The following P2RX4 variants were observed in gnomAD, a reference collection of about 807,000 sequenced individuals.
P2RX4 encodes P2X purinoceptor 4.
Under a neutral mutation model 48.0 loss-of-function variants are expected in P2RX4, and 37 were observed. The ratio of observed to expected loss-of-function variants is 0.77; its 90% CI spans 0.59 to 1.01. The LOEUF is 1.01. Ranked by LOEUF, P2RX4 falls within the 50% of genes least tolerant of loss-of-function variation. The pLI, the probability that P2RX4 is intolerant of heterozygous loss-of-function variation, is 0.00. For synonymous variants in P2RX4, 200 were observed against 199.7 expected (o/e 1.00, Z -0.01); for missense variants, 501 against 521.4 (o/e 0.96, Z 0.38).
At chr12:121,233,418 C>T in intron 11 of P2RX4, 105 bp from the exon 12 acceptor site, 1 of 1,271,414 alleles carries the variant, frequency 7.9e-7, no homozygotes, top group Non-Finnish European at 1.1e-6. Context: ...AGGCCTGGGA[C>T]CAACTTGAGA....
Position 121,210,156 on chromosome 12 carries a change from G to T in P2RX4, c.-9G>T, listed in dbSNP as rs1273489854. ...ACCGACTAGGGGACTGGGAGCGGGC[G>T]GCGCGGCCATGGCGGGCTGCTGCGC... On this transcript the variant is annotated 5_prime_UTR_variant, in exon 1 of 12. Coordinates refer to ENST00000337233, the MANE Select transcript of P2RX4 (RefSeq NM_002560.3). 1.3e-6 allele frequency: 2 copies of T among 1,521,714 alleles called. No individual in the cohort carries two copies. The highest frequency in any genetic ancestry group is 2.9e-5 in the African/African-American group (2 of 69,572). The allele number at this position is 1,521,714 out of a possible 1,614,324, so 94.3% of individuals were successfully genotyped here.
In P2RX4 at chr12:121,229,244, C is replaced by A; in HGVS notation, c.884+145C>A. ...TCCCCCGTCCAAGGCGGCGGGAAGGCCATGCTGGGAAAATGCCCTTAGTGG... is the reference window on the plus strand; with the variant it reads ...TCCCCCGTCCAAGGCGGCGGGAAGGACATGCTGGGAAAATGCCCTTAGTGG... On this transcript the variant is annotated intron_variant, in intron 8 of 11. Transcript: ENST00000337233. This position sits in a 1 kb window ranked among gnomAD's most constrained non-coding sequence, Gnocchi z 4.6. 9.9e-7 allele frequency: 1 copy of A among 1,010,048 alleles called. No individual in the cohort carries two copies. Among genetic ancestry groups the A allele is most frequent in the Non-Finnish European group, 1.5e-6 (1 of 669,952 alleles). The allele number at this position is 1,010,048 out of a possible 1,614,324, so 62.6% of individuals were successfully genotyped here.
rs759719541 is a variant in P2RX4 at position 121,232,597 on chromosome 12, C to T, written c.979-14C>T. 5.7e-5 allele frequency: 92 copies of T among 1,613,216 alleles called. No individual in the cohort carries two copies. The highest frequency in any genetic ancestry group is 6.7e-5 in the African/African-American group (5 of 74,898). On this transcript the variant is annotated splice_polypyrimidine_tract_variant and intron_variant, in intron 9 of 11. Transcript: ENST00000337233. This position sits in a 1 kb window ranked among gnomAD's most constrained non-coding sequence, Gnocchi z 4.3. ...CTGCAGAAACACTTTTTTTCTTTTT[C>T]GGTGTCTTGGCAGGCAGGGAAATTT... is the stretch of plus-strand genomic sequence containing the variant.
intron 11 of P2RX4, 128 bp from the exon 12 acceptor site, chr12:121,233,395 A>G (rs1887496510): frequency 1.1e-6 from 1 of 926,660 alleles, no homozygotes; most frequent in Admixed American, 2.0e-5. Context: ...CGGAACAGGA[A>G]GGGTTGGGTT....
At chr12:121,222,909 G>C in intron 4 of P2RX4, 38 bp from the exon 5 acceptor site, 2 of 1,514,686 alleles carry the variant, frequency 1.3e-6, no homozygotes, top group Admixed American at 1.7e-5. Flanking sequence ...GGAGACCCCT[G>C]TGGACATGGG....
Position 121,217,159 on chromosome 12 carries a change from T to C in P2RX4, c.160T>C (p.Tyr54His). 2 of 1,614,186 alleles carry C rather than the reference T, an allele frequency of 1.2e-6. No homozygotes were observed. The highest frequency in any genetic ancestry group is 1.7e-6 in the Non-Finnish European group (2 of 1,180,010). ...IGWVFVWEKG[Y>H]QETDSVVSSV... ...GTGGGTGTTTGTGTGGGAAAAGGGC[T>C]ACCAGGAAACTGACTCCGTGGTCAG... The change falls in exon 2 of 12, where the codon TAC (tyrosine) becomes CAC (histidine). Residue 54 changes from tyrosine to histidine, a missense_variant. Coordinates refer to ENST00000337233, the MANE Select transcript of P2RX4 (RefSeq NM_002560.3).
At chr12:121,222,879 C>A in intron 4 of P2RX4, 68 bp from the exon 5 acceptor site, 1 of 1,433,926 alleles carries the variant, frequency 7.0e-7, no homozygotes, top group Non-Finnish European at 9.7e-7. Flanking sequence ...TCACTCCCTA[C>A]TCCAAAAAGG....
Position 121,223,011 on chromosome 12 carries a change from G to C in P2RX4, c.492G>C (p.Trp164Cys), listed in dbSNP as rs902496920. Reference sequence around the variant, plus strand: ...TCAAGACGTGTGAGGTGGCGGCCTGGTGCCCGGTGGAGGATGACACACACG... The same window carrying C: ...TCAAGACGTGTGAGGTGGCGGCCTGCTGCCCGGTGGAGGATGACACACACG... ...GSVKTCEVAA[W>C]CPVEDDTHVP... Residue 164 changes from tryptophan to cysteine, a missense_variant, in exon 5 of 12, where the codon TGG becomes TGC. Around this residue, in one of 3 missense-constraint regions of P2RX4, gnomAD observed 295 missense variants for 275.3 expected, o/e 1.07. Transcript: ENST00000337233. 6.2e-7 allele frequency: 1 copy of C among 1,613,134 alleles called. No individual in the cohort carries two copies. Among genetic ancestry groups the C allele is most frequent in the South Asian group, 1.1e-5 (1 of 91,042 alleles).
At chr12:121,230,377 C>T (rs1018971866) in intron 8 of P2RX4, among the ~76,000 whole-genome samples, 2 of 152,152 alleles carry the variant, frequency 1.3e-5, no homozygotes, top group African/African-American at 4.8e-5. Context: ...AGCAAGTCTC[C>T]GTCTCAGGGG....
Position 121,210,175 on chromosome 12 carries a change from G to A in P2RX4, c.11G>A (p.Cys4Tyr). MAG[C>Y]CAALAAFLFE... ...GCGGGCGGCGCGGCCATGGCGGGCT[G>A]CTGCGCCGCGCTGGCGGCCTTCCTG... The change falls in exon 1 of 12, where the codon TGC becomes TAC. Residue 4 changes from cysteine to tyrosine, a missense_variant. Around this residue, in one of 3 missense-constraint regions of P2RX4, gnomAD observed 295 missense variants for 275.3 expected, o/e 1.07. Transcript: ENST00000337233. 2 of 1,520,316 alleles carry A rather than the reference G, an allele frequency of 1.3e-6. No homozygotes were observed. Among genetic ancestry groups the A allele is most frequent in the Admixed American group, 2.1e-5 (1 of 46,924 alleles). The allele number at this position is 1,520,316 out of a possible 1,614,324, so 94.2% of individuals were successfully genotyped here. A position where few individuals can be genotyped will look rare whatever the true frequency, so the allele number is the denominator to read the frequency against.
intron 11 of P2RX4, 167 bp from the exon 12 acceptor site, chr12:121,233,356 G>A: frequency 1.4e-6 from 1 of 698,770 alleles, no homozygotes; most frequent in Non-Finnish European, 2.5e-6. Context: ...GAGAATGCCT[G>A]TGGGCACACA....
intron 1 of P2RX4, chr12:121,216,025 A>C (rs1226987557): frequency 7.5e-6 from 1 of 133,796 alleles, no homozygotes; most frequent in Non-Finnish European, 1.6e-5. Flanking sequence ...CGTGGGCCAC[A>C]CTGGAAGGAG....
At chr12:121,211,160 C>G (rs572149920) in intron 1 of P2RX4, among the ~76,000 whole-genome samples, 1 of 152,166 alleles carries the variant, frequency 6.6e-6, no homozygotes, top group South Asian at 2.1e-4. Context: ...CCTCAGGCCT[C>G]GCTGAATGTG....
chr12:121,210,264 G>T lies in P2RX4; in HGVS notation c.100G>T (p.Ala34Ser). ...RSRKVGLMNR[A>S]VQLLILAYVI... is the part of the protein sequence containing the mutation. The stretch of plus-strand genomic sequence containing the variant: ...CCGCAAAGTGGGGCTCATGAACCGC[G>T]CCGTGCAACTGCTCATCCTGGCCTA... The change falls in exon 1 of 12, where the codon GCC becomes TCC. Residue 34 changes from alanine (A) to serine (S), a missense_variant. By Grantham distance (99) the Ala-to-Ser change is moderately conservative (BLOSUM62 1). Transcript: ENST00000337233. 2 of 1,557,922 alleles carry T rather than the reference G, an allele frequency of 1.3e-6. No individual in the cohort carries two copies. The highest frequency in any genetic ancestry group is 1.7e-6 in the Non-Finnish European group (2 of 1,156,642).
At chr12:121,219,570 ATGGGTGG>A (rs1886443605) in intron 2 of P2RX4, among the ~76,000 whole-genome samples, 1 of 148,080 alleles carries the variant, frequency 6.8e-6, no homozygotes, top group Admixed American at 6.7e-5. Context: ...TCTTGATTGG[ATGGGTGG>A]TGGATGGATG....
intron 5 of P2RX4, among the ~76,000 whole-genome samples, chr12:121,227,237 CTG>C (rs1887033965): frequency 6.6e-6 from 1 of 152,208 alleles, no homozygotes; most frequent in African/African-American, 2.4e-5. Context: ...GCTGGGAAGA[CTG>C]TTGATGTTGT....
rs759674792 is a variant in P2RX4, at chr12:121,232,704, C to T, written c.1044+28C>T. 5 of 1,570,702 alleles carry T rather than the reference C, an allele frequency of 3.2e-6. No individual in the cohort carries two copies. The highest frequency in any genetic ancestry group is 2.7e-5 in the African/African-American group (2 of 74,164). On this transcript the variant is annotated intron_variant, in intron 10 of 11. Transcript: ENST00000337233. The surrounding 1 kb of genome is among the most constrained non-coding windows in gnomAD (Gnocchi z 4.3). The stretch of plus-strand genomic sequence containing the variant: ...GAGTGGTTTAGGCCCTGCCTTCACC[C>T]TCACGGTGAGGTGAGACCCTGGGCT...
At chr12:121,226,761 CAA>C (rs1288170931) in intron 5 of P2RX4, among the ~76,000 whole-genome samples, 1 of 152,146 alleles carries the variant, frequency 6.6e-6, no homozygotes, top group East Asian at 1.9e-4. Context: ...CAGGAAATGA[CAA>C]AAACTTGAAC....
chr12:121,221,397 CA>C (rs1886599173), intron 2 of P2RX4, among the ~76,000 whole-genome samples: 1 of 145,642 alleles, frequency 6.9e-6, no homozygotes, highest in Non-Finnish European at 1.5e-5. Flanking sequence ...CTGTTTCCAC[CA>C]TTTTTTTTTT....
Sources: gnomAD v4.1 joint callset for allele counts (sites outside exome capture counted in the v4.1 genomes callset) on GRCh38, gnomAD v4.1.1 for gene constraint, gnomAD v4.1.1 regional missense constraint, Gnocchi (gnomAD v3.1) non-coding constraint, MANE v1.5 for transcripts, NCBI Gene and HGNC (gene_info 2026-07-23, HGNC 2026-07-21) for gene names.